The following NDRG3 variants were observed in gnomAD, a reference collection of about 807,000 sequenced individuals.
The protein encoded by NDRG3 is protein NDRG3.
Under a neutral mutation model 57.2 loss-of-function variants are expected in NDRG3, and 23 were observed. The observed-to-expected ratio is 0.40, with a 90% CI of 0.29 to 0.57. NDRG3 has a LOEUF of 0.57. NDRG3 is among the 20% of genes least tolerant of loss of function. NDRG3 has a pLI of 0.42. For synonymous variants in NDRG3, 132 were observed against 162.6 expected, an observed-to-expected ratio of 0.81 and a Z score of 1.43; for missense variants, 384 against 457.3, an observed-to-expected ratio of 0.84 and a Z score of 1.46.
chr20:36,701,111 C>G (rs1392923852), intron 3 of NDRG3, among the ~76,000 whole-genome samples: 1 of 152,202 alleles, frequency 6.6e-6, no homozygotes, highest in Non-Finnish European at 1.5e-5. Context: ...ACCTCCAAGG[C>G]TATGCACTTC....
chr20:36,659,370 C>T (rs571621627), intron 13 of NDRG3, among the ~76,000 whole-genome samples: 97 of 152,174 alleles, frequency 6.4e-4, no homozygotes, highest in African/African-American at 1.6e-3. Context: ...TCAAGTGATC[C>T]GCCCAACTCA....
chr20:36,724,646 G>A (rs908699461), intron 1 of NDRG3, among the ~76,000 whole-genome samples: 7 of 152,106 alleles, frequency 4.6e-5, no homozygotes, highest in African/African-American at 1.4e-4. Context: ...AGCGTTTTCC[G>A]GCCGGGCCCG....
intron 1 of NDRG3, among the ~76,000 whole-genome samples, chr20:36,722,606 G>C (rs1233918628): frequency 6.6e-6 from 1 of 152,152 alleles, no homozygotes; most frequent in Non-Finnish European, 1.5e-5. Flanking sequence ...TATTACTGCA[G>C]GATGAGGACT....
Position 36,653,891 on chromosome 20 carries a change from C to T in NDRG3, c.947-190G>A, listed in dbSNP as rs971705557. Among the ~76,000 whole-genome samples the T allele has an allele frequency of 6.6e-6, 1 of 152,148 alleles. No homozygotes were observed. The highest frequency in any genetic ancestry group is 1.5e-5 in the Non-Finnish European group (1 of 68,038). The stretch of plus-strand genomic sequence containing the variant: ...GGCGATATGTGAGGCCACTTTAATC[C>T]TTTAGATCTGGTTGGAATCTCAGCT... On this transcript the variant is annotated intron_variant, in intron 15 of 15. Transcript: ENST00000349004. The surrounding 1 kb of genome is among the most constrained non-coding windows in gnomAD (Gnocchi z 4.2).
intron 1 of NDRG3, among the ~76,000 whole-genome samples, chr20:36,732,955 C>T (rs1985366053): frequency 1.3e-5 from 2 of 150,710 alleles, no homozygotes; most frequent in South Asian, 2.1e-4. Flanking sequence ...GAGACCAGCC[C>T]GGGCAACATG....
intron 15 of NDRG3, chr20:36,654,693 C>T (rs1476205354): frequency 4.0e-6 from 3 of 741,888 alleles, no homozygotes; most frequent in Admixed American, 1.9e-5. Flanking sequence ...TACTGAGCCA[C>T]GTTCTATCGG....
chr20:36,670,265 G>A (rs221314), intron 9 of NDRG3, among the ~76,000 whole-genome samples: 64,451 of 151,918 alleles, frequency 0.42, 13,946 homozygotes, highest in African/African-American at 0.5. Context: ...GCATTACACT[G>A]TAAGTATTAC....
intron 9 of NDRG3, among the ~76,000 whole-genome samples, chr20:36,669,461 A>C (rs1979947098): frequency 6.6e-6 from 1 of 151,370 alleles, no homozygotes; most frequent in African/African-American, 2.4e-5. Flanking sequence ...TGAACTCCTG[A>C]CCTCGTGATC....
intron 3 of NDRG3, among the ~76,000 whole-genome samples, chr20:36,693,105 A>AAAAAAT (rs56739356): frequency 3.9e-5 from 1 of 25,854 alleles, no homozygotes; most frequent in African/African-American, 1.5e-4. Flanking sequence ...AAAAAAAAAA[A>AAAAAAT]ATATATATAT....
At chr20:36,708,920 C>T (rs1031709165) in intron 2 of NDRG3, among the ~76,000 whole-genome samples, 1 of 152,130 alleles carries the variant, frequency 6.6e-6, no homozygotes, top group African/African-American at 2.4e-5. Context: ...TGCCTGTAAT[C>T]CCAGCTACTT....
At chr20:36,723,258 G>C (rs935587698) in intron 1 of NDRG3, among the ~76,000 whole-genome samples, 7 of 152,314 alleles carry the variant, frequency 4.6e-5, no homozygotes, top group East Asian at 3.9e-4. Context: ...AGCTCAGAGA[G>C]AGGAGACAAG....
In NDRG3 at chr20:36,693,343, C is replaced by T. The variant is rs142395762; in HGVS notation, c.94-4559G>A. On this transcript the variant is annotated intron_variant, in intron 3 of 15. Transcript: ENST00000349004. ...TCAAACAACACAAGGGTTAGTGGTG[C>T]CAACCCACTGTGTAGTCAAAAATCC... Among the ~76,000 whole-genome samples, 1,016 of 150,614 alleles carry T rather than the reference C, an allele frequency of 6.7e-3. 8 individuals are homozygous for T. The highest frequency in any genetic ancestry group is 0.023 in the African/African-American group (924 of 40,992).
At chr20:36,689,920 C>G (rs1214360055) in intron 3 of NDRG3, among the ~76,000 whole-genome samples, 1 of 151,916 alleles carries the variant, frequency 6.6e-6, no homozygotes, top group African/African-American at 2.4e-5. Context: ...CGGGGTTTCA[C>G]TGTGTTAGCC....
At chr20:36,741,044 C>G (rs1985904118) in intron 1 of NDRG3, among the ~76,000 whole-genome samples, 1 of 152,114 alleles carries the variant, frequency 6.6e-6, no homozygotes, top group Non-Finnish European at 1.5e-5. Context: ...CTGCAGTAAA[C>G]CCAAAATGTT....
intron 8 of NDRG3, among the ~76,000 whole-genome samples, chr20:36,675,059 A>AT (rs34154196): frequency 0.28 from 27,876 of 101,176 alleles, 5,018 homozygotes; most frequent in Non-Finnish European, 0.33. Context: ...CACAACTGGC[A>AT]TTTTTTTTTT....
intron 1 of NDRG3, among the ~76,000 whole-genome samples, chr20:36,729,685 G>A (rs181632232): frequency 2.2e-4 from 33 of 152,060 alleles, no homozygotes; most frequent in East Asian, 2.1e-3. Context: ...ACGCAACCAC[G>A]CCTGGCTAAT....
At chr20:36,698,974 T>A (rs1009984953) in intron 3 of NDRG3, among the ~76,000 whole-genome samples, 1 of 152,154 alleles carries the variant, frequency 6.6e-6, no homozygotes, top group Non-Finnish European at 1.5e-5. Flanking sequence ...CAGGATCTCA[T>A]TCTAGTGCCC....
intron 1 of NDRG3, among the ~76,000 whole-genome samples, chr20:36,745,205 G>A (rs985147362): frequency 6.6e-6 from 1 of 152,162 alleles, no homozygotes; most frequent in African/African-American, 2.4e-5. Flanking sequence ...TTAATAAAAT[G>A]CTTAGCAAGA....
intron 1 of NDRG3, among the ~76,000 whole-genome samples, chr20:36,733,383 G>A (rs895798165): frequency 6.6e-6 from 1 of 151,910 alleles, no homozygotes; most frequent in Non-Finnish European, 1.5e-5. Flanking sequence ...TAGGGGCGGA[G>A]TCAATCACCT....
Sources: allele counts gnomAD v4.1 joint callset (sites outside exome capture counted in the v4.1 genomes callset), GRCh38; gene constraint gnomAD v4.1.1; non-coding constraint Gnocchi (gnomAD v3.1); transcripts MANE v1.5; gene names NCBI Gene and HGNC (gene_info 2026-07-23, HGNC 2026-07-21).